Variants in SLAIN2 observed in about 807,000 individuals in gnomAD.
The protein encoded by SLAIN2 is SLAIN motif-containing protein 2.
A neutral mutation model predicts 56.6 loss-of-function variants in SLAIN2; 31 were observed. That is an observed-to-expected ratio of 0.55 (90% confidence interval 0.41 to 0.74). The LOEUF is 0.74. Ranked by LOEUF, SLAIN2 falls within the 30% of genes least tolerant of loss-of-function variation. The probability of loss-of-function intolerance (pLI) is 0.00; values close to 1 mark genes in which losing one functional copy is unlikely to be tolerated. For synonymous variants in SLAIN2, 317 were observed against 284.9 expected (o/e 1.11, Z -1.13); for missense variants, 777 against 754.2 (o/e 1.03, Z -0.35).
At chr4:48,369,332 C>T (rs1715607311) in intron 1 of SLAIN2, among the ~76,000 whole-genome samples, 1 of 152,148 alleles carries the variant, frequency 6.6e-6, no homozygotes, top group African/African-American at 2.4e-5. Flanking sequence ...GTAATTGATT[C>T]ACATTTAGTT....
In SLAIN2 at chr4:48,420,114, C is replaced by G. The variant is rs1217110110; in HGVS notation, c.1361-11C>G. 2 of 1,611,048 alleles carry G rather than the reference C, an allele frequency of 1.2e-6. No individual in the cohort carries two copies. Among genetic ancestry groups the G allele is most frequent in the Non-Finnish European group, 1.7e-6 (2 of 1,177,932 alleles). On this transcript the variant is annotated splice_polypyrimidine_tract_variant and intron_variant, in intron 6 of 7. Transcript: ENST00000264313. ...CCACTCAAAAATTGGTTTTTCTTTG[C>G]CATCCCACAGTACCTTCTCCAGGCA...
chr4:48,393,939 C>G (rs191754862), intron 6 of SLAIN2, among the ~76,000 whole-genome samples: 1 of 152,246 alleles, frequency 6.6e-6, no homozygotes, highest in East Asian at 1.9e-4. Context: ...CTGACTCCTC[C>G]AAACCCCTCA....
chr4:48,373,952 C>A (rs894257220), intron 2 of SLAIN2, among the ~76,000 whole-genome samples: 2 of 152,036 alleles, frequency 1.3e-5, no homozygotes, highest in Non-Finnish European at 2.9e-5. Flanking sequence ...GCAGGAGAAT[C>A]GCTTAAACCC....
Position 48,342,079 on chromosome 4 carries a change from C to A in SLAIN2, c.340C>A (p.Pro114Thr). The change falls in exon 1 of 8, where the codon CCC becomes ACC. Residue 114 changes from proline (P) to threonine (T), a missense_variant. Coordinates refer to ENST00000264313, the MANE Select transcript of SLAIN2 (RefSeq NM_020846.2). Reference sequence around the variant, plus strand: ...GCTGGACGAGGTGGAGCCGCTGCGGCCCGACGAGCTGGAGCGCCTGTCAGG... The same window carrying A: ...GCTGGACGAGGTGGAGCCGCTGCGGACCGACGAGCTGGAGCGCCTGTCAGG... ...GLLDEVEPLR[P>T]DELERLSGWE... is the part of the protein sequence containing the mutation. 1 of 1,368,890 alleles carries A rather than the reference C, an allele frequency of 7.3e-7. No individual in the cohort carries two copies. Among genetic ancestry groups the A allele is most frequent in the East Asian group, 3.1e-5 (1 of 32,458 alleles). The allele number at this position is 1,368,890 out of a possible 1,614,324, so 84.8% of individuals were successfully genotyped here.
chr4:48,407,706 C>G (rs960802052), intron 6 of SLAIN2, among the ~76,000 whole-genome samples: 1 of 152,194 alleles, frequency 6.6e-6, no homozygotes, highest in African/African-American at 2.4e-5. Flanking sequence ...TTCCCTCACT[C>G]CACTTTCAAA....
At chr4:48,380,524 G>T (rs1715943370) in intron 4 of SLAIN2, among the ~76,000 whole-genome samples, 2 of 152,062 alleles carry the variant, frequency 1.3e-5, no homozygotes, top group Non-Finnish European at 2.9e-5. Context: ...AAACTTTTTA[G>T]GCCACAGATA....
chr4:48,382,889 A>G lies in SLAIN2; in HGVS notation c.1184A>G (p.His395Arg), dbSNP rs764840594. The G allele has an allele frequency of 1.2e-6, 2 of 1,612,562 alleles. No homozygotes were observed. The highest frequency in any genetic ancestry group is 1.1e-5 in the South Asian group (1 of 90,850). Residue 395 changes from histidine (H) to arginine (R), a missense_variant, in exon 5 of 8, where the codon CAT (histidine) becomes CGT (arginine). Physicochemically the swap from His to Arg is conservative, Grantham distance 29. Transcript: ENST00000264313. ...LQQPRLSLQG[H>R]PTDLQTSNVK... The stretch of plus-strand genomic sequence containing the variant: ...CAACCTCGCCTTTCACTTCAAGGCC[A>G]TCCCACAGATTTACAGACAAGCAAT...
intron 1 of SLAIN2, among the ~76,000 whole-genome samples, chr4:48,360,147 C>CT (rs1162798283): frequency 7.2e-6 from 1 of 138,830 alleles, no homozygotes; most frequent in East Asian, 2.0e-4. Context: ...GAGCGAGACT[C>CT]TGTCTCAAAA....
chr4:48,414,488 G>T (rs374583223), intron 6 of SLAIN2, among the ~76,000 whole-genome samples: 2 of 151,056 alleles, frequency 1.3e-5, no homozygotes, highest in Non-Finnish European at 2.9e-5. Flanking sequence ...ACTTATATTG[G>T]CTCAGATTTA....
intron 2 of SLAIN2, among the ~76,000 whole-genome samples, chr4:48,372,043 CATATATACAT>C (rs1264969930): frequency 2.3e-5 from 3 of 132,114 alleles, no homozygotes; most frequent in Non-Finnish European, 3.2e-5. Flanking sequence ...TATACATATA[CATATATACAT>C]ATATATATAT....
intron 1 of SLAIN2, among the ~76,000 whole-genome samples, chr4:48,356,218 A>G (rs1479274927): frequency 3.9e-5 from 6 of 152,212 alleles, no homozygotes; most frequent in Non-Finnish European, 8.8e-5. Flanking sequence ...TTTAGCCACT[A>G]AAAAGCAAAG....
chr4:48,406,768 A>G, intron 6 of SLAIN2, among the ~76,000 whole-genome samples: 1 of 152,078 alleles, frequency 6.6e-6, no homozygotes, highest in Non-Finnish European at 1.5e-5. Context: ...TTGCATGTTG[A>G]TGATAACTTA....
intron 2 of SLAIN2, among the ~76,000 whole-genome samples, chr4:48,377,593 A>G (rs578251723): frequency 3.9e-4 from 60 of 152,278 alleles, no homozygotes; most frequent in African/African-American, 1.4e-3. Context: ...TGATACAGCA[A>G]GTATCAAAGA....
At chr4:48,368,217 T>G (rs1715576732) in intron 1 of SLAIN2, among the ~76,000 whole-genome samples, 2 of 151,712 alleles carry the variant, frequency 1.3e-5, no homozygotes, top group Admixed American at 1.3e-4. Flanking sequence ...CCTGGCTAAT[T>G]TTTTGTATTT....
chr4:48,403,237 G>A (rs539705217), intron 6 of SLAIN2, among the ~76,000 whole-genome samples: 1 of 152,360 alleles, frequency 6.6e-6, no homozygotes, highest in Non-Finnish European at 1.5e-5. Context: ...CTGCCCTTTT[G>A]TGGAGCAGGT....
intron 1 of SLAIN2, among the ~76,000 whole-genome samples, chr4:48,366,872 A>G (rs936910396): frequency 6.6e-6 from 1 of 152,174 alleles, no homozygotes; most frequent in African/African-American, 2.4e-5. Context: ...TTTAGGTTGC[A>G]TTAACTGTAA....
At chr4:48,401,213 A>G (rs1479293222) in intron 6 of SLAIN2, among the ~76,000 whole-genome samples, 1 of 152,108 alleles carries the variant, frequency 6.6e-6, no homozygotes, top group Non-Finnish European at 1.5e-5. Flanking sequence ...TCAATTTTAG[A>G]GTAAGTGTTG....
intron 6 of SLAIN2, among the ~76,000 whole-genome samples, chr4:48,388,974 G>A (rs1716166458): frequency 6.6e-6 from 1 of 152,212 alleles, no homozygotes; most frequent in Admixed American, 6.5e-5. Flanking sequence ...GTCCAGGGCA[G>A]TTGTCAGCTT....
intron 6 of SLAIN2, among the ~76,000 whole-genome samples, chr4:48,384,306 G>A (rs1237073935): frequency 6.6e-6 from 1 of 152,098 alleles, no homozygotes; most frequent in Non-Finnish European, 1.5e-5. Context: ...CAAAACAAAA[G>A]TATACCAGGA....
Sources: allele counts gnomAD v4.1 joint callset (sites outside exome capture counted in the v4.1 genomes callset), GRCh38; gene constraint gnomAD v4.1.1; transcripts MANE v1.5; gene names NCBI Gene and HGNC (gene_info 2026-07-23, HGNC 2026-07-21).